ZNF394: variants seen among roughly 807,000 people sequenced by gnomAD.
ZNF394 encodes zinc finger protein 394, also known as zinc finger protein 99.
In ZNF394, 19 loss-of-function variants were observed where a neutral mutation model predicts 21.8. The ratio of observed to expected loss-of-function variants is 0.87; its 90% CI spans 0.61 to 1.28. ZNF394 has a LOEUF of 1.28. Ranked by LOEUF, ZNF394 falls within the 50% of genes most tolerant of loss-of-function variation. ZNF394 has a pLI of 0.00. For missense variants in ZNF394, 683 were observed against 708.6 expected (o/e 0.96, Z 0.41); for synonymous variants, 294 against 273.3 (o/e 1.08, Z -0.75).
chr7:99,494,470 C>A lies in ZNF394; in HGVS notation c.745G>T (p.Asp249Tyr). 6.2e-7 allele frequency: 1 copy of A among 1,614,054 alleles called. No homozygotes were observed. Among genetic ancestry groups the A allele is most frequent in the Non-Finnish European group, 8.5e-7 (1 of 1,180,034 alleles). Residue 249 changes from aspartate to tyrosine, a missense_variant, in exon 3 of 3, where the codon GAC becomes TAC. This residue lies in a region of ZNF394 where 402 missense variants were observed against 373.8 expected (regional missense o/e 1.08). Coordinates refer to ENST00000337673, the MANE Select transcript of ZNF394 (RefSeq NM_032164.4). ...TTTTCAAGTTTCAGGGGCAAGGGGT[C>A]TCCGGACTGCTTTTCCACCCTGTCC... ...HEDRVEKQSG[D>Y]PLPLKLENSP...
At position 99,494,349 on chromosome 7, in the gene ZNF394, C is replaced by A. The variant is rs1266263645; in HGVS notation, c.866G>T (p.Ser289Ile). The A allele has an allele frequency of 6.2e-7, 1 of 1,614,218 alleles. No homozygotes were observed. The highest frequency in any genetic ancestry group is 1.7e-5 in the Admixed American group (1 of 60,014). ...EDSKNNELQN[S>I]ARCSNLVLCQ... ...TAGAACAAGGTTGGAACACCTGGCA[C>A]TGTTCTGCAATTCATTATTTTTAGA... The change falls in exon 3 of 3, where the codon AGT (serine) becomes ATT (isoleucine). Residue 289 changes from serine (S) to isoleucine (I), a missense_variant. Ser to Ile is a moderately radical substitution (Grantham distance 142, BLOSUM62 -2). Transcript: ENST00000337673.
At chr7:99,486,732 A>C in exon 2 of ZNF394, 1 of 1,614,256 alleles carries the variant, frequency 6.2e-7, no homozygotes, top group Non-Finnish European at 8.5e-7. Context: ...AGCAGGGCAG[A>C]TATGATGAGG....
chr7:99,498,008 G>C (rs936875337), intron 2 of ZNF394: 1 of 152,126 alleles, frequency 6.6e-6, no homozygotes, highest in African/African-American at 2.4e-5. Context: ...AGGAAGGGGG[G>C]ACTACTGCCT....
chr7:99,497,092 G>C (rs1260964094), intron 2 of ZNF394, among the ~76,000 whole-genome samples: 5 of 53,768 alleles, frequency 9.3e-5, no homozygotes, highest in Admixed American at 2.5e-4. Flanking sequence ...ACATACGTGT[G>C]TGTGTGTGTG....
downstream of ZNF394, among the ~76,000 whole-genome samples, chr7:99,492,075 GA>G (rs397948314): frequency 3.6e-3 from 172 of 47,700 alleles, no homozygotes; most frequent in Middle Eastern, 0.022. Context: ...TCCGTCTCAA[GA>G]AAAAAAAAAA....
In ZNF394 at chr7:99,487,949, G is replaced by A. The variant is rs1800060188; in HGVS notation, n.84-986C>T. 2.6e-5 allele frequency among the ~76,000 whole-genome samples: 4 copies of A among 151,960 alleles called. No homozygotes were observed. The South Asian group carries it at 8.3e-4, about 32-fold the overall frequency. ...TAGCCGGGTGTGGTGGCAGGCGCCT[G>A]TAGTCCCAGCTATGCGGGAGGCTGA... is the stretch of plus-strand genomic sequence containing the variant. On this transcript the variant is annotated intron_variant and non_coding_transcript_variant, in intron 1 of 1. Transcript: ENST00000462024.
intron 2 of ZNF394, among the ~76,000 whole-genome samples, chr7:99,496,847 C>T (rs1332711647): frequency 1.3e-5 from 2 of 151,744 alleles, no homozygotes; most frequent in East Asian, 3.9e-4. Flanking sequence ...GCTAGGATTA[C>T]AGGTGTGAGC....
intron 1 of ZNF394, among the ~76,000 whole-genome samples, chr7:99,487,944 C>T (rs151109487): frequency 0.016 from 2,423 of 152,052 alleles, 27 homozygotes; most frequent in Middle Eastern, 0.062. Flanking sequence ...TGGTGGCAGG[C>T]GCCTGTAGTC....
intron 1 of ZNF394, 109 bp downstream of exon 1, chr7:99,499,529 C>T (rs1291751339): frequency 1.9e-6 from 2 of 1,041,790 alleles, no homozygotes; most frequent in African/African-American, 1.6e-5. Context: ...CCATACACAC[C>T]CCAATGTTCA....
In ZNF394 at chr7:99,499,801, A is replaced by G; in HGVS notation, c.293T>C (p.Leu98Pro). ...CAGCTCCAGGATCTGCTCCTTGGAG[A>G]GCAGCTCGGGTCTCAGCCACCGACG... Reference protein sequence around the residue: ...LCRRWLRPELLSKEQILELLV... With the variant: ...LCRRWLRPELPSKEQILELLV... Residue 98 changes from leucine to proline, a missense_variant, in exon 1 of 3, where the codon CTC becomes CCC. By Grantham distance (98) the Leu-to-Pro change is moderately conservative. Around this residue, in one of 3 missense-constraint regions of ZNF394, gnomAD observed 402 missense variants for 373.8 expected, o/e 1.08. Coordinates refer to ENST00000337673, the MANE Select transcript of ZNF394 (RefSeq NM_032164.4). 6.2e-7 allele frequency: 1 copy of G among 1,614,026 alleles called. No individual in the cohort carries two copies. The highest frequency in any genetic ancestry group is 1.7e-5 in the Admixed American group (1 of 60,004).
In ZNF394 at chr7:99,493,574, ATGAATTCTT is replaced by A. The variant is rs757716933; in HGVS notation, c.1632_1640del (p.Gln544_Ile546del). On this transcript the variant is annotated inframe_deletion, in exon 3 of 3. Transcript: ENST00000337673. ...GCCCAGCCGACAGCACTTTATTTTG[ATGAATTCTT>A]TGGTGTCGGATAAGGTGTGTACTTT... 6.8e-6 allele frequency: 11 copies of A among 1,613,416 alleles called. No homozygotes were observed. The highest frequency in any genetic ancestry group is 9.3e-6 in the Non-Finnish European group (11 of 1,179,686).
Position 99,493,503 on chromosome 7 carries a change from T to C in ZNF394, c.*26A>G. On this transcript the variant is annotated 3_prime_UTR_variant, in exon 3 of 3. Transcript: ENST00000337673. Reference sequence around the variant, plus strand: ...AACTCCTGATCTCAAATGATCTGCCTGCCTTGGCCTCCCAAAGTGCTGGGA... The same window carrying C: ...AACTCCTGATCTCAAATGATCTGCCCGCCTTGGCCTCCCAAAGTGCTGGGA... The C allele has an allele frequency of 6.5e-7, 1 of 1,536,862 alleles. No homozygotes were observed. The highest frequency in any genetic ancestry group is 8.8e-7 in the Non-Finnish European group (1 of 1,137,186).
chr7:99,494,091 C>A lies in ZNF394; in HGVS notation c.1124G>T (p.Arg375Ile). ...KSFKQRSDLFRHQRIHTGEKP... is the reference protein window; with the variant it reads ...KSFKQRSDLFIHQRIHTGEKP... ...CTCACCTGTGTGGATTCTCTGGTGT[C>A]TAAAGAGGTCAGAGCGTTGTTTGAA... is the stretch of plus-strand genomic sequence containing the variant. Residue 375 changes from arginine to isoleucine, a missense_variant, in exon 3 of 3, where the codon AGA (arginine) becomes ATA (isoleucine). Coordinates refer to ENST00000337673, the MANE Select transcript of ZNF394 (RefSeq NM_032164.4). The A allele has an allele frequency of 1.2e-6, 2 of 1,613,464 alleles. No individual in the cohort carries two copies. The highest frequency in any genetic ancestry group is 1.7e-6 in the Non-Finnish European group (2 of 1,179,902).
chr7:99,494,677 C>T, intron 2 of ZNF394, 46 bp from the exon 3 acceptor site: 2 of 1,522,620 alleles, frequency 1.3e-6, no homozygotes, highest in South Asian at 1.3e-5. Context: ...CCCTGTGCAA[C>T]ACAGAAATAA....
At chr7:99,491,647 G>C (rs1374593435), downstream of ZNF394, among the ~76,000 whole-genome samples, 2 of 151,892 alleles carry the variant, frequency 1.3e-5, no homozygotes, top group East Asian at 3.9e-4. Flanking sequence ...GTGGTGGCGA[G>C]TGCCTGTGGT....
chr7:99,499,513 GGAA>G, intron 1 of ZNF394, 122 bp downstream of exon 1: 2 of 848,340 alleles, frequency 2.4e-6, no homozygotes, highest in East Asian at 5.0e-5. Flanking sequence ...CCTACAGAAA[GGAA>G]GTCCATACAC....
At chr7:99,498,936 G>C (rs1800423189) in intron 1 of ZNF394, 94 bp from the exon 2 acceptor site, 2 of 1,451,526 alleles carry the variant, frequency 1.4e-6, no homozygotes, top group South Asian at 1.5e-5. Context: ...AGTTTGGAGA[G>C]ATCAGAGATA....
At chr7:99,487,501 A>G (rs1800035691) in intron 1 of ZNF394, 2 of 1,599,730 alleles carry the variant, frequency 1.3e-6, no homozygotes, top group Non-Finnish European at 1.7e-6. Flanking sequence ...TTAATTGGAA[A>G]GCAGTCATTG....
At chr7:99,486,940 C>T (rs1562888971) in exon 2 of ZNF394, 2 of 1,614,164 alleles carry the variant, frequency 1.2e-6, no homozygotes, top group East Asian at 4.5e-5. Context: ...GCGGTCAGCT[C>T]TTACGGTCCA....
Sources: gnomAD v4.1 joint callset for allele counts (sites outside exome capture counted in the v4.1 genomes callset) on GRCh38, gnomAD v4.1.1 for gene constraint, gnomAD v4.1.1 regional missense constraint, MANE v1.5 for transcripts, NCBI Gene and HGNC (gene_info 2026-07-23, HGNC 2026-07-21) for gene names.